The following LIPK variants were observed in gnomAD, a reference collection of about 807,000 sequenced individuals.
LIPK encodes lipase member K.
A neutral mutation model predicts 48.6 loss-of-function variants in LIPK; 32 were observed. The ratio of observed to expected loss-of-function variants is 0.66; its 90% CI spans 0.50 to 0.88. The LOEUF is 0.88. Among genes scored for constraint, LIPK ranks in the 40% least tolerant of loss-of-function variants. LIPK has a pLI of 0.00. For missense variants in LIPK, 507 were observed against 478.5 expected (o/e 1.06, Z -0.56); for synonymous variants, 164 against 157.4 (o/e 1.04, Z -0.32).
intron 1 of LIPK, among the ~76,000 whole-genome samples, chr10:88,716,959 G>C (rs1196850057): frequency 6.6e-6 from 1 of 152,108 alleles, no homozygotes; most frequent in Non-Finnish European, 1.5e-5. Context: ...GAAAGAGTGA[G>C]CAGCAGACAG....
At chr10:88,748,434 T>C (rs952734797) in intron 9 of LIPK, among the ~76,000 whole-genome samples, 2 of 151,932 alleles carry the variant, frequency 1.3e-5, no homozygotes, top group African/African-American at 4.8e-5. Context: ...CTGGCCAACA[T>C]GGTGAAACCT....
chr10:88,724,701 A>T (rs1314751008), intron 2 of LIPK, 53 bp downstream of exon 2: 1 of 1,279,052 alleles, frequency 7.8e-7, no homozygotes, highest in African/African-American at 1.5e-5. Flanking sequence ...TTCATATTTC[A>T]GCATTTTAGA....
chr10:88,721,475 G>A (rs1842224492), intron 1 of LIPK, among the ~76,000 whole-genome samples: 1 of 152,110 alleles, frequency 6.6e-6, no homozygotes, highest in African/African-American at 2.4e-5. Flanking sequence ...CTCTTGCTGC[G>A]GTGTGTCATC....
At chr10:88,734,391 C>G (rs1842528103) in intron 6 of LIPK, among the ~76,000 whole-genome samples, 1 of 152,112 alleles carries the variant, frequency 6.6e-6, no homozygotes, top group Non-Finnish European at 1.5e-5. Context: ...ACATAACTCA[C>G]TTTACTGGAG....
chr10:88,729,256 G>GGGT (rs1554955634), intron 3 of LIPK, among the ~76,000 whole-genome samples: 1 of 112,082 alleles, frequency 8.9e-6, no homozygotes, highest in Non-Finnish European at 1.8e-5. Flanking sequence ...ATCTGTTGGG[G>GGGT]GGGGGGGGCG....
intron 1 of LIPK, among the ~76,000 whole-genome samples, chr10:88,719,701 T>G (rs1842184928): frequency 6.6e-6 from 1 of 152,196 alleles, no homozygotes; most frequent in African/African-American, 2.4e-5. Context: ...CACCTCCATT[T>G]ACGAATACAG....
At chr10:88,742,523 C>T (rs1842697614) in intron 8 of LIPK, among the ~76,000 whole-genome samples, 1 of 152,202 alleles carries the variant, frequency 6.6e-6, no homozygotes, top group Non-Finnish European at 1.5e-5. Flanking sequence ...CCTCATCAAT[C>T]CTATATGGGT....
intron 1 of LIPK, among the ~76,000 whole-genome samples, chr10:88,708,521 C>T (rs1049622161): frequency 2.0e-5 from 3 of 151,894 alleles, no homozygotes; most frequent in Non-Finnish European, 4.4e-5. Context: ...CCAAAGTTTG[C>T]AAAACTCTGT....
chr10:88,718,064 T>C (rs112375355), intron 1 of LIPK, among the ~76,000 whole-genome samples: 345 of 151,954 alleles, frequency 2.3e-3, no homozygotes, highest in Admixed American at 4.6e-3. Context: ...GGACCTTTTA[T>C]CCTTTTGTCC....
chr10:88,740,129 C>A, intron 8 of LIPK, 62 bp downstream of exon 8: 2 of 1,292,610 alleles, frequency 1.5e-6, no homozygotes, highest in Non-Finnish European at 2.2e-6. Flanking sequence ...AAGAAGTGCT[C>A]TCAGAGAGCT....
intron 7 of LIPK, among the ~76,000 whole-genome samples, chr10:88,739,248 G>A (rs567766892): frequency 2.6e-5 from 4 of 152,242 alleles, no homozygotes; most frequent in South Asian, 4.1e-4. Context: ...GAAAACGAAC[G>A]TCAACATACA....
rs758656377 is a variant in LIPK at position 88,724,685 on chromosome 10, G to A, written c.105+37G>A. 6.4e-6 allele frequency: 9 copies of A among 1,404,408 alleles called. No individual in the cohort carries two copies. The African/African-American group carries it at 1.0e-4, about 16-fold the overall frequency. 87.0% of individuals were successfully genotyped at this position (1,404,408 alleles called of 1,614,324 possible). A position where few individuals can be genotyped will look rare whatever the true frequency, so the allele number is the denominator to read the frequency against. On this transcript the variant is annotated intron_variant, in intron 2 of 9. Transcript: ENST00000404190. ...ATTCAGAAAAAAATGCTAAAATAAG[G>A]AATTATTCATATTTCAGCATTTTAG... is the stretch of plus-strand genomic sequence containing the variant.
At chr10:88,747,095 A>G (rs892029986) in intron 9 of LIPK, among the ~76,000 whole-genome samples, 9 of 152,204 alleles carry the variant, frequency 5.9e-5, no homozygotes, top group African/African-American at 2.2e-4. Context: ...CAGATCAATA[A>G]CAAGTTCCAA....
intron 7 of LIPK, among the ~76,000 whole-genome samples, chr10:88,738,098 G>A: frequency 6.6e-6 from 1 of 152,124 alleles, no homozygotes; most frequent in East Asian, 1.9e-4. Flanking sequence ...GAATCTCAGG[G>A]GGTGAGTCCA....
rs547959979 is a variant in LIPK, at chr10:88,734,443, T to C, written c.669+1892T>C. 2.0e-5 allele frequency among the ~76,000 whole-genome samples: 3 copies of C among 152,270 alleles called. No individual in the cohort carries two copies. In the South Asian group the frequency reaches 6.2e-4, roughly 32 times the overall value. On this transcript the variant is annotated intron_variant, in intron 6 of 9. Transcript: ENST00000404190. ...GTGAAGGAGAGTATGAGAAATCATG[T>C]TGGAAATGTAGAGGCAGATGATAAA...
At chr10:88,724,071 G>T (rs546410238) in intron 1 of LIPK, among the ~76,000 whole-genome samples, 1 of 152,174 alleles carries the variant, frequency 6.6e-6, no homozygotes, top group East Asian at 1.9e-4. Flanking sequence ...CTGAGTGAAG[G>T]TTATGAATAC....
intron 4 of LIPK, among the ~76,000 whole-genome samples, chr10:88,731,727 T>A (rs1285350765): frequency 6.6e-6 from 1 of 152,258 alleles, no homozygotes; most frequent in Non-Finnish European, 1.5e-5. Context: ...TTTCTTAAAC[T>A]ATACATAGGA....
intron 1 of LIPK, among the ~76,000 whole-genome samples, chr10:88,712,402 T>C (rs565218086): frequency 2.0e-5 from 3 of 152,312 alleles, no homozygotes; most frequent in African/African-American, 7.2e-5. Flanking sequence ...TAAGCTTCAT[T>C]TACCTACTTA....
At chr10:88,729,252 T>TGGGGG (rs71022537) in intron 3 of LIPK, among the ~76,000 whole-genome samples, 153 of 39,944 alleles carry the variant, frequency 3.8e-3, no homozygotes, top group East Asian at 0.019. Flanking sequence ...GGCTATCTGT[T>TGGGGG]GGGGGGGGGG....
Sources: gnomAD v4.1 joint callset for allele counts (sites outside exome capture counted in the v4.1 genomes callset) on GRCh38, gnomAD v4.1.1 for gene constraint, MANE v1.5 for transcripts, NCBI Gene and HGNC (gene_info 2026-07-23, HGNC 2026-07-21) for gene names.